RALYL: variants seen among roughly 807,000 people sequenced by gnomAD.
The protein encoded by RALYL is RALY RNA binding protein like, also known as RNA-binding Raly-like protein.
Under a neutral mutation model 35.1 loss-of-function variants are expected in RALYL, and 29 were observed. The ratio of observed to expected loss-of-function variants is 0.83; its 90% CI spans 0.61 to 1.13. The LOEUF (loss-of-function observed/expected upper bound fraction) is 1.13. Ranked by LOEUF, RALYL falls within the 50% of genes most tolerant of loss-of-function variation. The pLI is 0.00. For missense variants in RALYL, 359 were observed against 360.4 expected, an observed-to-expected ratio of 1.00 and a Z score of 0.03; for synonymous variants, 120 against 127.6, an observed-to-expected ratio of 0.94 and a Z score of 0.40.
chr8:84,505,117 C>T (rs141133342), intron 1 of RALYL, among the ~76,000 whole-genome samples: 9 of 152,188 alleles, frequency 5.9e-5, no homozygotes, highest in Admixed American at 2.6e-4. Context: ...CATGAGTGCA[C>T]GAACAATACA....
At chr8:84,445,325 A>T (rs1322279682) in intron 1 of RALYL, among the ~76,000 whole-genome samples, 2 of 152,052 alleles carry the variant, frequency 1.3e-5, no homozygotes, top group Non-Finnish European at 2.9e-5. Flanking sequence ...ACATGACTTT[A>T]TAATCAGTAT....
intron 4 of RALYL, among the ~76,000 whole-genome samples, chr8:84,818,690 C>T (rs746824260): frequency 3.9e-5 from 6 of 152,152 alleles, no homozygotes; most frequent in Non-Finnish European, 8.8e-5. Context: ...ACCTGCTTGG[C>T]TGTTTTGCTT....
chr8:84,729,567 A>G (rs1355862755), intron 2 of RALYL, among the ~76,000 whole-genome samples: 1 of 151,996 alleles, frequency 6.6e-6, no homozygotes, highest in African/African-American at 2.4e-5. Flanking sequence ...GACACAAAAA[A>G]CCCTTCAAAA....
At chr8:84,551,738 G>A (rs1451636724) in intron 2 of RALYL, among the ~76,000 whole-genome samples, 3 of 152,102 alleles carry the variant, frequency 2.0e-5, no homozygotes, top group African/African-American at 4.8e-5. Flanking sequence ...AGAGAGCCAC[G>A]TATAATTTAT....
In RALYL at chr8:84,915,153, CATT is replaced by C. The variant is rs1848260689; in HGVS notation, c.859-5738_859-5736del. 2.0e-5 allele frequency among the ~76,000 whole-genome samples: 3 copies of C among 152,014 alleles called. No individual in the cohort carries two copies. The South Asian group carries it at 6.2e-4, about 31-fold the overall frequency. On this transcript the variant is annotated intron_variant, in intron 8 of 8. Coordinates refer to ENST00000521268, the MANE Select transcript of RALYL (RefSeq NM_173848.7). ...TTCCACCCACTATAAGAATAAGTGT[CATT>C]ATGATGATTGTCACCCATGCCCACA...
Position 84,792,263 on chromosome 8 carries a change from G to T in RALYL, c.333-12507G>T, listed in dbSNP as rs914305559. ...GGGGTTTTGTTGAGTCCTGGAGGTG[G>T]CTCTCAGTGGGATGGATGGGGAGAT... On this transcript the variant is annotated intron_variant, in intron 3 of 8. Coordinates refer to ENST00000521268, the MANE Select transcript of RALYL (RefSeq NM_173848.7). Among the ~76,000 whole-genome samples, 28 of 152,200 alleles carry T rather than the reference G, an allele frequency of 1.8e-4. 1 individual carries two copies. The highest frequency in any genetic ancestry group is 1.3e-3 in the Admixed American group (20 of 15,276).
At chr8:84,459,823 A>C (rs896412014) in intron 1 of RALYL, among the ~76,000 whole-genome samples, 4 of 151,814 alleles carry the variant, frequency 2.6e-5, no homozygotes, top group Admixed American at 2.6e-4. Flanking sequence ...CTGCGAAGCT[A>C]TAAGGAATGA....
At chr8:84,562,291 C>G (rs550809484) in intron 2 of RALYL, among the ~76,000 whole-genome samples, 1 of 151,806 alleles carries the variant, frequency 6.6e-6, no homozygotes, top group Admixed American at 6.6e-5. Flanking sequence ...GAACTGTAGC[C>G]GGCCAGCAAG....
At chr8:84,893,304 A>C (rs961483504) in intron 8 of RALYL, among the ~76,000 whole-genome samples, 1 of 152,256 alleles carries the variant, frequency 6.6e-6, no homozygotes, top group African/African-American at 2.4e-5. Flanking sequence ...CACATTATAC[A>C]TAGGTAGGTA....
intron 1 of RALYL, among the ~76,000 whole-genome samples, chr8:84,424,072 A>G (rs2046029087): frequency 6.6e-6 from 1 of 151,994 alleles, no homozygotes; most frequent in East Asian, 1.9e-4. Context: ...CGTTCTCTCT[A>G]TTTCCTGAAT....
At chr8:84,803,466 A>T (rs923303278) in intron 3 of RALYL, among the ~76,000 whole-genome samples, 6 of 152,154 alleles carry the variant, frequency 3.9e-5, no homozygotes, top group African/African-American at 1.4e-4. Context: ...TATGAGAAAA[A>T]CAAACACAAT....
chr8:84,443,447 T>C (rs1219711306), intron 1 of RALYL, among the ~76,000 whole-genome samples: 4 of 152,186 alleles, frequency 2.6e-5, no homozygotes, highest in Non-Finnish European at 5.9e-5. Context: ...GTCCATCTAA[T>C]TTATCAGCGA....
chr8:84,385,259 G>A (rs1858931890), intron 1 of RALYL, among the ~76,000 whole-genome samples: 1 of 151,744 alleles, frequency 6.6e-6, no homozygotes, highest in South Asian at 2.1e-4. Flanking sequence ...AAAAAATGCT[G>A]ATTATAATAT....
chr8:84,201,333 A>G (rs1175647397), intron 1 of RALYL, among the ~76,000 whole-genome samples: 1 of 152,198 alleles, frequency 6.6e-6, no homozygotes, highest in Non-Finnish European at 1.5e-5. Flanking sequence ...ATGAGCATGT[A>G]ATTTCGATCC....
At chr8:84,688,399 C>A (rs1564376592) in intron 2 of RALYL, among the ~76,000 whole-genome samples, 1 of 151,884 alleles carries the variant, frequency 6.6e-6, no homozygotes, top group Admixed American at 6.6e-5. Context: ...ATTGAAGGAA[C>A]AAAAGAGAGA....
chr8:84,482,256 C>T (rs1373277053), intron 1 of RALYL, among the ~76,000 whole-genome samples: 3 of 151,988 alleles, frequency 2.0e-5, no homozygotes, highest in African/African-American at 4.8e-5. Flanking sequence ...GACAATATCC[C>T]ATAATAGATA....
intron 3 of RALYL, among the ~76,000 whole-genome samples, chr8:84,782,617 C>T (rs1219298543): frequency 6.6e-6 from 1 of 152,206 alleles, no homozygotes; most frequent in East Asian, 1.9e-4. Flanking sequence ...GCTAAGATCT[C>T]TTCATCAGCA....
At chr8:84,806,636 A>G (rs2134035622) in intron 4 of RALYL, among the ~76,000 whole-genome samples, 1 of 152,184 alleles carries the variant, frequency 6.6e-6, no homozygotes, top group Middle Eastern at 3.4e-3. Flanking sequence ...CACACATAAG[A>G]TACTGCTTAT....
Position 84,552,776 on chromosome 8 carries a change from T to C in RALYL, c.256+23199T>C, listed in dbSNP as rs145646564. On this transcript the variant is annotated intron_variant, in intron 2 of 8. Coordinates refer to ENST00000521268, the MANE Select transcript of RALYL (RefSeq NM_173848.7). ...TTGCAACTTCATATAATGAAGTGCA[T>C]GTTCATGTCAATTAAATTCACCAGC... Among the ~76,000 whole-genome samples the C allele has an allele frequency of 5.1e-3, 773 of 152,100 alleles. 3 individuals carry two copies. The highest frequency in any genetic ancestry group is 0.018 in the African/African-American group (744 of 41,498).
Sources: allele counts gnomAD v4.1 joint callset (sites outside exome capture counted in the v4.1 genomes callset), GRCh38; gene constraint gnomAD v4.1.1; transcripts MANE v1.5; gene names NCBI Gene and HGNC (gene_info 2026-07-23, HGNC 2026-07-21).